The following NRG1 variants were observed in gnomAD, a reference collection of about 807,000 sequenced individuals.
NRG1 encodes the protein pro-neuregulin-1, membrane-bound isoform.
In NRG1, 18 loss-of-function variants were observed where a neutral mutation model predicts 63.8. The ratio of observed to expected loss-of-function variants is 0.28; its 90% CI spans 0.19 to 0.42. NRG1 has a LOEUF of 0.42. Ranked by LOEUF, NRG1 falls within the 10% of genes least tolerant of loss-of-function variation. The probability of loss-of-function intolerance (pLI) is 1.00; values close to 1 mark genes in which losing one functional copy is unlikely to be tolerated. For missense variants in NRG1, 762 were observed against 814.7 expected (o/e 0.94, Z 0.79); for synonymous variants, 302 against 301.3 (o/e 1.00, Z -0.02).
At chr8:32,111,893 G>A (rs1273705058) in intron 1 of NRG1, among the ~76,000 whole-genome samples, 1 of 152,054 alleles carries the variant, frequency 6.6e-6, no homozygotes, top group Non-Finnish European at 1.5e-5. Context: ...ATTGATCTTC[G>A]AGGTCAGTTT....
At chr8:32,753,245 T>A (rs1187009151) in intron 7 of NRG1, among the ~76,000 whole-genome samples, 1 of 152,214 alleles carries the variant, frequency 6.6e-6, no homozygotes, top group Non-Finnish European at 1.5e-5. Flanking sequence ...GATCTTCCAA[T>A]AAATGTAATT....
chr8:31,912,435 G>T (rs906383293), intron 1 of NRG1, among the ~76,000 whole-genome samples: 1 of 152,028 alleles, frequency 6.6e-6, no homozygotes, highest in African/African-American at 2.4e-5. Context: ...GCTGCTCTCA[G>T]GGTAAAATCC....
At chr8:32,509,617 C>T (rs1286993433) in intron 1 of NRG1, among the ~76,000 whole-genome samples, 2 of 152,078 alleles carry the variant, frequency 1.3e-5, no homozygotes, top group African/African-American at 4.8e-5. Flanking sequence ...ACATTTCTAG[C>T]TTGGTAAATT....
chr8:31,759,335 CT>C (rs572069319), intron 1 of NRG1, among the ~76,000 whole-genome samples: 17 of 151,348 alleles, frequency 1.1e-4, no homozygotes, highest in African/African-American at 3.6e-4. Context: ...GATATAATCT[CT>C]TTTTTTTTCT....
At chr8:32,371,416 A>G (rs73250428) in intron 1 of NRG1, among the ~76,000 whole-genome samples, 2,094 of 152,284 alleles carry the variant, frequency 0.014, 18 homozygotes, top group Middle Eastern at 0.037. Flanking sequence ...TAGAAGGATC[A>G]GTTTTTAAAA....
intron 1 of NRG1, among the ~76,000 whole-genome samples, chr8:32,133,789 T>C (rs1356694865): frequency 2.0e-5 from 3 of 152,292 alleles, no homozygotes; most frequent in African/African-American, 7.2e-5. Context: ...TTAAAAGTTT[T>C]TCTCAAGGCA....
intron 8 of NRG1, 100 bp downstream of exon 8, chr8:32,754,574 G>GAT: frequency 3.7e-6 from 4 of 1,075,990 alleles, no homozygotes; most frequent in Non-Finnish European, 5.5e-6. Flanking sequence ...TAGTCTTGGG[G>GAT]ATAAAAAAAA....
At chr8:31,919,064 T>A (rs1366799748) in intron 1 of NRG1, among the ~76,000 whole-genome samples, 1 of 152,166 alleles carries the variant, frequency 6.6e-6, no homozygotes, top group East Asian at 1.9e-4. Flanking sequence ...TTTATCATTT[T>A]TTATTGCGTC....
rs148515548 is a variant in NRG1 at position 32,301,560 on chromosome 8, T to G, written c.38-294268T>G. On this transcript the variant is annotated intron_variant, in intron 1 of 10. Transcript: ENST00000519301. ...CTGCTGATAAAGACATACCCAAGAC[T>G]GGACAATTTACAAAAGAAAGAGGTT... is the stretch of plus-strand genomic sequence containing the variant. Among the ~76,000 whole-genome samples, 407 of 152,300 alleles carry G rather than the reference T, an allele frequency of 2.7e-3. 2 individuals are homozygous for G. Among genetic ancestry groups the G allele is most frequent in the African/African-American group, 9.5e-3 (396 of 41,568 alleles).
At chr8:31,918,237 T>C (rs1833583509) in intron 1 of NRG1, among the ~76,000 whole-genome samples, 1 of 152,230 alleles carries the variant, frequency 6.6e-6, no homozygotes, top group South Asian at 2.1e-4. Flanking sequence ...TCCAACAGTA[T>C]GTTGAATAGT....
At chr8:32,115,677 G>A (rs1360944029) in intron 1 of NRG1, among the ~76,000 whole-genome samples, 1 of 152,050 alleles carries the variant, frequency 6.6e-6, no homozygotes, top group Non-Finnish European at 1.5e-5. Context: ...TATGTTGTCC[G>A]GGATGCTATA....
intron 1 of NRG1, among the ~76,000 whole-genome samples, chr8:32,177,364 G>A (rs938209861): frequency 2.6e-5 from 4 of 151,452 alleles, no homozygotes; most frequent in East Asian, 2.0e-4. Context: ...GCATTAGGAG[G>A]TATACCTAAT....
chr8:32,664,380 T>C (rs1803613230), intron 5 of NRG1, among the ~76,000 whole-genome samples: 1 of 151,708 alleles, frequency 6.6e-6, no homozygotes, highest in Non-Finnish European at 1.5e-5. Flanking sequence ...ATAGTTGAGG[T>C]GGGCCTTGAG....
exon 11 of NRG1, chr8:32,760,225 A>T (rs763947033): frequency 6.2e-7 from 1 of 1,614,058 alleles, no homozygotes; most frequent in South Asian, 1.1e-5. Flanking sequence ...CACTGAAAGC[A>T]TCCTTTCCGA....
chr8:32,116,209 G>T (rs887752400), intron 1 of NRG1, among the ~76,000 whole-genome samples: 1 of 152,038 alleles, frequency 6.6e-6, no homozygotes, highest in African/African-American at 2.4e-5. Context: ...TCTGTCTCCC[G>T]CCTTCTTTTC....
intron 1 of NRG1, among the ~76,000 whole-genome samples, chr8:32,152,680 A>G (rs541353828): frequency 9.2e-5 from 14 of 152,344 alleles, no homozygotes; most frequent in African/African-American, 3.1e-4. Context: ...TTTGTAATAT[A>G]GAAAGAATTG....
At chr8:32,281,691 T>C (rs562263072) in intron 1 of NRG1, among the ~76,000 whole-genome samples, 1 of 152,250 alleles carries the variant, frequency 6.6e-6, no homozygotes, top group Non-Finnish European at 1.5e-5. Flanking sequence ...TTAAAAAAGG[T>C]TAAGATGAGC....
chr8:32,762,564 G>C (rs1161045417), intron 11 of NRG1, among the ~76,000 whole-genome samples: 2 of 152,166 alleles, frequency 1.3e-5, no homozygotes, highest in Non-Finnish European at 2.9e-5. Flanking sequence ...CCAGTTTAGA[G>C]GCAGCTAGCT....
intron 1 of NRG1, among the ~76,000 whole-genome samples, chr8:32,585,989 C>T (rs1023819437): frequency 6.6e-6 from 1 of 152,076 alleles, no homozygotes; most frequent in African/African-American, 2.4e-5. Flanking sequence ...CTCTCTGTTT[C>T]TGTTTCTTCA....
Sources: allele counts gnomAD v4.1 joint callset (sites outside exome capture counted in the v4.1 genomes callset), GRCh38; gene constraint gnomAD v4.1.1; transcripts MANE v1.5; gene names NCBI Gene and HGNC (gene_info 2026-07-23, HGNC 2026-07-21).